Variants in ARID2 observed in about 807,000 individuals in gnomAD.
ARID2 encodes the protein AT-rich interaction domain 2.
A neutral mutation model predicts 184.6 loss-of-function variants in ARID2; 32 were observed. The observed-to-expected ratio is 0.17, with a 90% CI of 0.13 to 0.23. The LOEUF is 0.23. Ranked by LOEUF, ARID2 falls within the 10% of genes least tolerant of loss-of-function variation. The probability of loss-of-function intolerance (pLI) is 1.00; values close to 1 mark genes in which losing one functional copy is unlikely to be tolerated. For synonymous variants in ARID2, 836 were observed against 772.6 expected, an observed-to-expected ratio of 1.08 and a Z score of -1.36; for missense variants, 1,696 against 2,197.6, an observed-to-expected ratio of 0.77 and a Z score of 4.56.
chr12:45,776,810 T>G (rs1941991158), intron 3 of ARID2, among the ~76,000 whole-genome samples: 1 of 141,804 alleles, frequency 7.1e-6, no homozygotes. Context: ...TTTGAGACAG[T>G]CTTGCGGGGT....
chr12:45,865,062 C>T (rs908982967), intron 16 of ARID2, among the ~76,000 whole-genome samples: 11 of 152,084 alleles, frequency 7.2e-5, no homozygotes, highest in African/African-American at 2.7e-4. Context: ...CAAATTGTGC[C>T]ATTTTCGGTC....
chr12:45,900,973 T>G (rs955162017), intron 20 of ARID2, among the ~76,000 whole-genome samples: 1 of 151,978 alleles, frequency 6.6e-6, no homozygotes, highest in Admixed American at 6.6e-5. Flanking sequence ...GATGATGATG[T>G]GTCTTCGGTG....
intron 6 of ARID2, among the ~76,000 whole-genome samples, chr12:45,824,064 CAT>C (rs1942948872): frequency 1.3e-5 from 2 of 152,214 alleles, no homozygotes; most frequent in Admixed American, 6.5e-5. Context: ...AATCCAACAA[CAT>C]ATCAAAAAGA....
chr12:45,814,048 A>G (rs1942760515), intron 4 of ARID2, among the ~76,000 whole-genome samples: 1 of 152,192 alleles, frequency 6.6e-6, no homozygotes, highest in African/African-American at 2.4e-5. Context: ...AGTGAAGCCA[A>G]GTACCCGGTC....
intron 6 of ARID2, among the ~76,000 whole-genome samples, chr12:45,833,968 C>T (rs1282107439): frequency 3.3e-5 from 5 of 152,166 alleles, no homozygotes; most frequent in Non-Finnish European, 5.9e-5. Context: ...CTTAGCTTTG[C>T]TGTGCTCTGT....
Position 45,792,570 on chromosome 12 carries a change from C to T in ARID2, c.285-18848C>T, listed in dbSNP as rs572319041. Among the ~76,000 whole-genome samples the T allele has an allele frequency of 1.8e-4, 28 of 152,156 alleles. 1 individual carries two copies. The highest frequency in any genetic ancestry group is 1.5e-3 in the South Asian group (7 of 4,816). On this transcript the variant is annotated intron_variant, in intron 3 of 20. Transcript: ENST00000334344. ...TTAATAATACAGATAAAGCTGTATC[C>T]TTACTGTGTTTTCTTGGTTTGTTTC...
chr12:45,846,539 T>G (rs1444450308), intron 11 of ARID2, among the ~76,000 whole-genome samples: 1 of 152,170 alleles, frequency 6.6e-6, no homozygotes, highest in African/African-American at 2.4e-5. Flanking sequence ...GCAGATATTG[T>G]AAAGTATTTA....
At chr12:45,759,081 T>C (rs1037595220) in intron 3 of ARID2, among the ~76,000 whole-genome samples, 2 of 152,238 alleles carry the variant, frequency 1.3e-5, no homozygotes, top group East Asian at 3.9e-4. Flanking sequence ...AGGCTGTTAT[T>C]AATTATTCTG....
intron 3 of ARID2, among the ~76,000 whole-genome samples, chr12:45,736,050 C>T (rs745800454): frequency 1.3e-5 from 2 of 152,162 alleles, no homozygotes; most frequent in Non-Finnish European, 2.9e-5. Context: ...AAATCTATAA[C>T]GTCTTTGATA....
intron 3 of ARID2, among the ~76,000 whole-genome samples, chr12:45,799,626 G>A (rs1942457312): frequency 6.6e-6 from 1 of 152,190 alleles, no homozygotes; most frequent in African/African-American, 2.4e-5. Context: ...AAAAGCAATA[G>A]TTGGGAGTCA....
intron 6 of ARID2, among the ~76,000 whole-genome samples, chr12:45,829,860 G>GTAA (rs1163090333): frequency 1.4e-5 from 2 of 144,098 alleles, no homozygotes; most frequent in Non-Finnish European, 3.0e-5. Context: ...AGCATTCTGG[G>GTAA]TAATTTCCTT....
chr12:45,777,071 C>T (rs977435692), intron 3 of ARID2, among the ~76,000 whole-genome samples: 2 of 151,436 alleles, frequency 1.3e-5, no homozygotes, highest in Admixed American at 6.6e-5. Context: ...GGATTACAGA[C>T]GTGACCCATT....
intron 10 of ARID2, among the ~76,000 whole-genome samples, chr12:45,838,602 G>A (rs983782637): frequency 6.6e-6 from 1 of 151,916 alleles, no homozygotes; most frequent in African/African-American, 2.4e-5. Flanking sequence ...TCATCTGTAC[G>A]AAAAATAAAT....
At chr12:45,894,230 CATT>C (rs1944339166) in intron 20 of ARID2, among the ~76,000 whole-genome samples, 1 of 152,132 alleles carries the variant, frequency 6.6e-6, no homozygotes, top group Non-Finnish European at 1.5e-5. Context: ...AGGGATAACT[CATT>C]AATTCGTGAG....
chr12:45,905,050 A>C lies in ARID2; in HGVS notation c.5480A>C (p.Gln1827Pro), dbSNP rs779621057. 5.0e-6 allele frequency: 8 copies of C among 1,613,762 alleles called. No homozygotes were observed. Among genetic ancestry groups the C allele is most frequent in the Non-Finnish European group, 6.8e-6 (8 of 1,179,960 alleles). Residue 1827 changes from glutamine (Q) to proline (P), a missense_variant, in exon 21 of 21, where the codon CAA becomes CCA. By Grantham distance (76) the Gln-to-Pro change is moderately conservative (BLOSUM62 -1). Transcript: ENST00000334344. ...ELNFTVQSKE[Q>P]EKDSEMLQ ...AATTTTACAGTTCAGAGTAAGGAAC[A>C]AGAAAAAGACTCAGAAATGCTGCAG...
At chr12:45,733,910 AATTG>A (rs1488446361) in intron 3 of ARID2, among the ~76,000 whole-genome samples, 1 of 152,220 alleles carries the variant, frequency 6.6e-6, no homozygotes, top group Non-Finnish European at 1.5e-5. Context: ...TTGAAAATGC[AATTG>A]ATTATTTTAA....
chr12:45,848,299 CTG>C (rs1943479790), intron 12 of ARID2, among the ~76,000 whole-genome samples: 1 of 151,858 alleles, frequency 6.6e-6, no homozygotes, highest in African/African-American at 2.4e-5. Flanking sequence ...CAAATTAAAA[CTG>C]TTTTGAAATG....
At chr12:45,755,307 G>T (rs549082399) in intron 3 of ARID2, among the ~76,000 whole-genome samples, 1 of 152,278 alleles carries the variant, frequency 6.6e-6, no homozygotes, top group East Asian at 1.9e-4. Context: ...TCTTACATTG[G>T]TATGTGGGAT....
chr12:45,884,726 C>T (rs1944160097), intron 16 of ARID2, among the ~76,000 whole-genome samples: 1 of 152,138 alleles, frequency 6.6e-6, no homozygotes, highest in Admixed American at 6.5e-5. Flanking sequence ...GGATCATCCC[C>T]CATATGAACC....
Sources: allele counts gnomAD v4.1 joint callset (sites outside exome capture counted in the v4.1 genomes callset), GRCh38; gene constraint gnomAD v4.1.1; transcripts MANE v1.5; gene names NCBI Gene and HGNC (gene_info 2026-07-23, HGNC 2026-07-21).